WASF1: variants seen among roughly 807,000 people sequenced by gnomAD.
The protein encoded by WASF1 is WASP family member 1.
WASF1 carries 7 observed loss-of-function variants against 50.5 expected under a neutral mutation model. The ratio of observed to expected loss-of-function variants is 0.14; its 90% confidence interval spans 0.08 to 0.26. WASF1 has a LOEUF of 0.26. Among genes scored for constraint, WASF1 ranks in the 10% least tolerant of loss-of-function variants. The pLI is 1.00. For missense variants in WASF1, 470 were observed against 694.7 expected (o/e 0.68, Z 3.64); for synonymous variants, 205 against 244.0 (o/e 0.84, Z 1.49).
chr6:110,106,621 CA>C (rs1260785284), intron 7 of WASF1, among the ~76,000 whole-genome samples: 2 of 152,194 alleles, frequency 1.3e-5, no homozygotes, highest in Non-Finnish European at 2.9e-5. Flanking sequence ...CTCTCCAAAA[CA>C]TTTAGGAGAG....
intron 3 of WASF1, among the ~76,000 whole-genome samples, chr6:110,146,464 ATAT>A (rs921866677): frequency 7.9e-5 from 12 of 151,898 alleles, no homozygotes; most frequent in Non-Finnish European, 1.3e-4. Context: ...ATTGTGACAG[ATAT>A]TATTAAATAT....
intron 2 of WASF1, among the ~76,000 whole-genome samples, chr6:110,165,486 A>G (rs1339767298): frequency 1.3e-5 from 2 of 151,738 alleles, no homozygotes; most frequent in Non-Finnish European, 3.0e-5. Flanking sequence ...ATGTCATAAA[A>G]GAGTTCTAGC....
intron 3 of WASF1, among the ~76,000 whole-genome samples, chr6:110,148,022 TAGA>T (rs1775654735): frequency 6.6e-6 from 1 of 152,154 alleles, no homozygotes; most frequent in Non-Finnish European, 1.5e-5. Flanking sequence ...GCTAGGATTA[TAGA>T]CATGAGCCAC....
chr6:110,100,763 A>G, intron 10 of WASF1, 84 bp from the exon 11 acceptor site: 2 of 1,304,218 alleles, frequency 1.5e-6, no homozygotes, highest in Non-Finnish European at 2.0e-6. Flanking sequence ...AAAATCAAAT[A>G]CACATGAGAA....
At chr6:110,115,090 T>TTC (rs967625970) in intron 4 of WASF1, among the ~76,000 whole-genome samples, 14 of 148,938 alleles carry the variant, frequency 9.4e-5, no homozygotes, top group African/African-American at 7.4e-5. Flanking sequence ...AAGTGAGACC[T>TTC]TCTCTCTCTC....
intron 2 of WASF1, among the ~76,000 whole-genome samples, chr6:110,170,272 G>T (rs949178021): frequency 1.3e-5 from 2 of 152,096 alleles, no homozygotes; most frequent in African/African-American, 4.8e-5. Flanking sequence ...ACTCAGACCG[G>T]AGTATAGTGG....
At chr6:110,163,997 C>T (rs952578631) in intron 2 of WASF1, among the ~76,000 whole-genome samples, 7 of 151,526 alleles carry the variant, frequency 4.6e-5, no homozygotes, top group Non-Finnish European at 7.4e-5. Flanking sequence ...TGGAATTGGA[C>T]GTCCACATGC....
intron 3 of WASF1, among the ~76,000 whole-genome samples, chr6:110,140,712 G>A (rs1225665817): frequency 1.3e-5 from 2 of 152,172 alleles, no homozygotes; most frequent in Admixed American, 6.5e-5. Flanking sequence ...TGTGAGAGCA[G>A]AGGAAAAACA....
intron 3 of WASF1, among the ~76,000 whole-genome samples, chr6:110,134,507 C>T (rs1038693767): frequency 6.6e-6 from 1 of 151,782 alleles, no homozygotes; most frequent in Non-Finnish European, 1.5e-5. Context: ...TCACTGCAAC[C>T]TCTGCCTCCT....
intron 3 of WASF1, among the ~76,000 whole-genome samples, chr6:110,132,742 C>T (rs1271879567): frequency 6.6e-6 from 1 of 151,840 alleles, no homozygotes. Flanking sequence ...TATGCCTTTG[C>T]ATCCTCATAG....
rs117210804 is a variant in WASF1, at chr6:110,133,644, G to T, written c.-28-6015C>A. 1.9e-3 allele frequency among the ~76,000 whole-genome samples: 293 copies of T among 152,220 alleles called. 14 individuals are homozygous for T. In the East Asian group the frequency reaches 0.05, roughly 26 times the overall value. On this transcript the variant is annotated intron_variant, in intron 3 of 10. Coordinates refer to ENST00000392589, the MANE Select transcript of WASF1 (RefSeq NM_003931.3). ...CATTTCCCTGATTATTAGTGATGGTGACCATTTTCTCATGTTTTTTGGCCA... is the reference window on the plus strand; with the variant it reads ...CATTTCCCTGATTATTAGTGATGGTTACCATTTTCTCATGTTTTTTGGCCA...
intron 2 of WASF1, among the ~76,000 whole-genome samples, chr6:110,165,852 T>TA (rs982901343): frequency 5.3e-5 from 8 of 151,728 alleles, no homozygotes; most frequent in African/African-American, 1.7e-4. Context: ...AGATGCATGA[T>TA]AAAGTTTGAG....
At chr6:110,146,143 A>G (rs766081676) in intron 3 of WASF1, among the ~76,000 whole-genome samples, 2 of 152,232 alleles carry the variant, frequency 1.3e-5, no homozygotes, top group Non-Finnish European at 2.9e-5. Context: ...AACAAAAAAT[A>G]TAATTTTCAT....
Position 110,101,803 on chromosome 6 carries a change from C to A in WASF1, c.1307G>T (p.Gly436Val), listed in dbSNP as rs1773103659. The A allele has an allele frequency of 6.2e-7, 1 of 1,613,844 alleles. No homozygotes were observed. Among genetic ancestry groups the A allele is most frequent in the Non-Finnish European group, 8.5e-7 (1 of 1,179,954 alleles). ...PPPPPPLPPP[G>V]IRPSSPVTVT... ...TGTGACAGGTGATGATGGTCGAATG[C>A]CAGGTGGAGGCAGAGGAGGCGGTGG... Residue 436 changes from glycine to valine, a missense_variant, in exon 10 of 11, where the codon GGC becomes GTC. Transcript: ENST00000392589.
At chr6:110,173,386 C>T (rs537380256) in intron 2 of WASF1, among the ~76,000 whole-genome samples, 1 of 152,274 alleles carries the variant, frequency 6.6e-6, no homozygotes, top group South Asian at 2.1e-4. Context: ...AACCCACCTA[C>T]TTAGAATTTC....
At chr6:110,178,903 G>T (rs1777061419) in intron 1 of WASF1, among the ~76,000 whole-genome samples, 161 bp from the exon 2 acceptor site, 1 of 152,232 alleles carries the variant, frequency 6.6e-6, no homozygotes, top group African/African-American at 2.4e-5. Context: ...CACCAGAAGC[G>T]ACAGCACCGC....
chr6:110,151,909 A>T (rs900095018), intron 3 of WASF1, among the ~76,000 whole-genome samples: 37 of 152,218 alleles, frequency 2.4e-4, no homozygotes, highest in African/African-American at 8.2e-4. Context: ...CAACCATCCC[A>T]TTATATGCAC....
At position 110,132,963 on chromosome 6, in the gene WASF1, T is replaced by TACACACAC. The variant is rs142466639; in HGVS notation, c.-28-5342_-28-5335dup. Among the ~76,000 whole-genome samples, 581 of 130,132 alleles carry TACACACAC rather than the reference T, an allele frequency of 4.5e-3. 2 individuals carry two copies. Among genetic ancestry groups the TACACACAC allele is most frequent in the African/African-American group, 9.5e-3 (328 of 34,510 alleles). 85.4% of individuals were successfully genotyped at this position (130,132 alleles called of 152,430 possible). On this transcript the variant is annotated intron_variant, in intron 3 of 10. Transcript: ENST00000392589. ...GTTTGTGTGTGTATTCCATGGTGTATACACACACACACACACACACACACC... is the reference window on the plus strand; with the variant it reads ...GTTTGTGTGTGTATTCCATGGTGTATACACACACACACACACACACACACACACACACC...
chr6:110,139,929 C>CAAAACATCT, intron 3 of WASF1, among the ~76,000 whole-genome samples: 1 of 152,304 alleles, frequency 6.6e-6, no homozygotes, highest in African/African-American at 2.4e-5. Context: ...CTCGCTCTCT[C>CAAAACATCT]AAAACATCTA....
Sources: gnomAD v4.1 joint callset for allele counts (sites outside exome capture counted in the v4.1 genomes callset) on GRCh38, gnomAD v4.1.1 for gene constraint, MANE v1.5 for transcripts, NCBI Gene and HGNC (gene_info 2026-07-23, HGNC 2026-07-21) for gene names.